ETNPPL: variants seen among roughly 807,000 people sequenced by gnomAD.
The protein encoded by ETNPPL is alanine--glyoxylate aminotransferase 2-like 1.
A neutral mutation model predicts 55.5 loss-of-function variants in ETNPPL; 30 were observed. The ratio of observed to expected loss-of-function variants is 0.54; its 90% CI spans 0.40 to 0.73. The LOEUF is 0.73. Among genes scored for constraint, ETNPPL ranks in the 30% least tolerant of loss-of-function variants. The pLI, the probability that ETNPPL is intolerant of heterozygous loss-of-function variation, is 0.00. For synonymous variants in ETNPPL, 202 were observed against 207.2 expected (o/e 0.98, Z 0.21); for missense variants, 528 against 607.9 (o/e 0.87, Z 1.38).
intron 2 of ETNPPL, 89 bp from the exon 3 acceptor site, chr4:108,759,997 A>C: frequency 7.6e-7 from 1 of 1,313,142 alleles, no homozygotes; most frequent in East Asian, 2.3e-5. Context: ...CAAGCAAGCA[A>C]ACAAACAAAC....
rs771021352 is a variant in ETNPPL, at chr4:108,760,146, A to T, written c.175+42T>A. The T allele has an allele frequency of 3.6e-6, 5 of 1,388,136 alleles. No homozygotes were observed. The African/African-American group carries it at 7.1e-5, about 20-fold the overall frequency. 86.0% of individuals were successfully genotyped at this position (1,388,136 alleles called of 1,614,324 possible). ...AAGTGTTCCAAGTCAGCTTTACTCC[A>T]TGAACATTTCCTCCAAAGCACTGCA... On this transcript the variant is annotated intron_variant, in intron 2 of 12. Transcript: ENST00000296486.
chr4:108,759,754 A>G lies in ETNPPL; in HGVS notation c.330T>C (p.Asn110=). Residue 110 remains asparagine, a synonymous_variant, in exon 3 of 13, where the codon AAT becomes AAC. Transcript: ENST00000296486. Reference sequence around the variant, plus strand: ...TGGGAAACCATGAAGCATACCCTGAATTTGTAAAATAACAAACAGAGAGTT... The same window carrying G: ...TGGGAAACCATGAAGCATACCCTGAGTTTGTAAAATAACAAACAGAGAGTT... ...PEKLSVCYFT[N]SGSEANDLAL... The G allele has an allele frequency of 6.2e-7, 1 of 1,614,082 alleles. No individual in the cohort carries two copies. Among genetic ancestry groups the G allele is most frequent in the South Asian group, 1.1e-5 (1 of 91,050 alleles).
At chr4:108,745,530 G>A (rs1015537531) in intron 11 of ETNPPL, among the ~76,000 whole-genome samples, 1 of 151,896 alleles carries the variant, frequency 6.6e-6, no homozygotes, top group Non-Finnish European at 1.5e-5. Context: ...GGAGGCGGAG[G>A]TTGCAGTGAG....
intron 4 of ETNPPL, 103 bp downstream of exon 4, chr4:108,756,315 C>A: frequency 1.3e-6 from 1 of 760,002 alleles, no homozygotes; most frequent in Non-Finnish European, 2.3e-6. Context: ...CTCCATATAT[C>A]TGTCCTCTTT....
In ETNPPL at chr4:108,746,826, C is replaced by T. The variant is rs1004732775; in HGVS notation, c.1108G>A (p.Asp370Asn). The T allele has an allele frequency of 2.2e-5, 36 of 1,613,606 alleles. No homozygotes were observed. The highest frequency in any genetic ancestry group is 2.7e-5 in the African/African-American group (2 of 74,802). The change falls in exon 10 of 13, where the codon GAT becomes AAT. Residue 370 changes from aspartate (D) to asparagine (N), a missense_variant. By Grantham distance (23) the Asp-to-Asn change is conservative (BLOSUM62 1). Transcript: ENST00000296486. The stretch of plus-strand genomic sequence containing the variant: ...CTTTTCAGATGGTCCTTCACTAAAT[C>T]AATTCCAATAAAAAGGCCAATGCCC... Reference protein sequence around the residue: ...IRGIGLFIGIDLVKDHLKRTP... With the variant: ...IRGIGLFIGINLVKDHLKRTP...
chr4:108,758,000 TTC>T (rs1162601585), intron 3 of ETNPPL, among the ~76,000 whole-genome samples: 36 of 138,540 alleles, frequency 2.6e-4, no homozygotes, highest in African/African-American at 9.3e-4. Flanking sequence ...TCATATATAT[TTC>T]TTTCTTTTTT....
intron 3 of ETNPPL, among the ~76,000 whole-genome samples, chr4:108,759,400 CAAAAAAAAAAAAA>C: frequency 1.4e-5 from 1 of 70,282 alleles, no homozygotes; most frequent in African/African-American, 4.7e-5. Context: ...GGCTCCATCT[CAAAAAAAAAAAAA>C]AAAAAAAAAA....
At position 108,759,742 on chromosome 4, in the gene ETNPPL, A is replaced by C; in HGVS notation, c.335+7T>G. ...AATGGGGAGGGGTGGGAAACCATGA[A>C]GCATACCCTGAATTTGTAAAATAAC... On this transcript the variant is annotated splice_region_variant and intron_variant, in intron 3 of 12. Transcript: ENST00000296486. The C allele has an allele frequency of 6.2e-7, 1 of 1,613,876 alleles. No homozygotes were observed. Among genetic ancestry groups the C allele is most frequent in the Non-Finnish European group, 8.5e-7 (1 of 1,179,874 alleles).
intron 6 of ETNPPL, 28 bp downstream of exon 6, chr4:108,752,867 A>C (rs1279806106): frequency 1.6e-6 from 2 of 1,219,758 alleles, no homozygotes; most frequent in Admixed American, 3.7e-5. Context: ...AAAGATGTTG[A>C]GATGTTTCCA....
chr4:108,749,307 C>T lies in ETNPPL; in HGVS notation c.858G>A (p.Val286=). 1 of 1,614,140 alleles carries T rather than the reference C, an allele frequency of 6.2e-7. No homozygotes were observed. The highest frequency in any genetic ancestry group is 8.5e-7 in the Non-Finnish European group (1 of 1,180,032). Residue 286 remains valine (V), a synonymous_variant, in exon 8 of 13, where the codon GTG becomes GTA. Transcript: ENST00000296486. ...TTTCTTTGGTTGTTACCACACATGC[C>T]ACCGGGTGGCCGTTGCCCATCGGTT... is the stretch of plus-strand genomic sequence containing the variant. ...MGKPMGNGHP[V]ACVVTTKEIA...
At chr4:108,743,882 A>G in intron 11 of ETNPPL, 26 bp from the exon 12 acceptor site, 1 of 1,489,576 alleles carries the variant, frequency 6.7e-7, no homozygotes, top group Non-Finnish European at 9.2e-7. Context: ...TATTATGGAG[A>G]AGACAAAATA....
chr4:108,751,279 T>G (rs796650667), intron 6 of ETNPPL, among the ~76,000 whole-genome samples: 8 of 152,292 alleles, frequency 5.3e-5, no homozygotes, highest in African/African-American at 1.4e-4. Flanking sequence ...AACTTCCATT[T>G]CTCCATCATT....
rs752338059 is a variant in ETNPPL at position 108,760,222 on chromosome 4, T to C, written c.141A>G (p.Glu47=). The C allele has an allele frequency of 1.2e-6, 2 of 1,611,314 alleles. No individual in the cohort carries two copies. The highest frequency in any genetic ancestry group is 2.2e-5 in the South Asian group (2 of 90,884). ...CATTGTTGATGCAGTCCAAGTACTG[T>C]TCACCGTTCTCATCAAACATGTACT... is the stretch of plus-strand genomic sequence containing the variant. ...QRQYMFDENG[E]QYLDCINNVA... The change falls in exon 2 of 13, where the codon GAA becomes GAG. Residue 47 remains glutamate (E), a synonymous_variant. Transcript: ENST00000296486.
intron 5 of ETNPPL, 36 bp from the exon 6 acceptor site, chr4:108,753,047 G>T: frequency 8.1e-7 from 1 of 1,231,434 alleles, no homozygotes; most frequent in Non-Finnish European, 1.2e-6. Context: ...CTTGTAATTT[G>T]CCTTTTCGAC....
chr4:108,748,980 T>C lies in ETNPPL; in HGVS notation c.927+258A>G, dbSNP rs78386435. 3.5e-4 allele frequency among the ~76,000 whole-genome samples: 53 copies of C among 152,266 alleles called. No homozygotes were observed. In the East Asian group the frequency reaches 5.2e-3, roughly 15 times the overall value. On this transcript the variant is annotated intron_variant, in intron 8 of 12. Coordinates refer to ENST00000296486, the MANE Select transcript of ETNPPL (RefSeq NM_031279.4). The stretch of plus-strand genomic sequence containing the variant: ...AAAATCTAGATGACGGGTTGATAGG[T>C]GCAGCAAACCACCATGGCACATGTA...
At chr4:108,744,552 GCTCT>G (rs1465139311) in intron 11 of ETNPPL, among the ~76,000 whole-genome samples, 2 of 152,078 alleles carry the variant, frequency 1.3e-5, no homozygotes, top group Admixed American at 1.3e-4. Context: ...GTGTGAGCAT[GCTCT>G]CTGAGTCCAA....
Position 108,751,155 on chromosome 4 carries a change from TAAAGA to T in ETNPPL, c.619-142_619-138del, listed in dbSNP as rs1728895502. On this transcript the variant is annotated intron_variant, in intron 6 of 12. Coordinates refer to ENST00000296486, the MANE Select transcript of ETNPPL (RefSeq NM_031279.4). ...GCAAGTGGCAAATTAGCCATTTGATTAAAGAAAAAGGAAAAGGTGTCTATGCAGGA... is the reference window on the plus strand; with the variant it reads ...GCAAGTGGCAAATTAGCCATTTGATTAAAAGGAAAAGGTGTCTATGCAGGA... 6.1e-6 allele frequency: 3 copies of T among 495,156 alleles called. No individual in the cohort carries two copies. In the South Asian group the frequency reaches 9.5e-5, roughly 16 times the overall value. The allele number at this position is 495,156 out of a possible 1,614,324, so 30.7% of individuals were successfully genotyped here.
rs377406530 is a variant in ETNPPL, at chr4:108,756,400, C to T, written c.410+18G>A. 5.6e-6 allele frequency: 9 copies of T among 1,597,510 alleles called. No homozygotes were observed. The African/African-American group carries it at 8.0e-5, about 14-fold the overall frequency. On this transcript the variant is annotated intron_variant, in intron 4 of 12. Coordinates refer to ENST00000296486, the MANE Select transcript of ETNPPL (RefSeq NM_031279.4). ...CTGAAGAAGCTTCTTGCTTAAAAAT[C>T]TTGTGTCCAAGACTTACTGGTCAAG...
intron 5 of ETNPPL, among the ~76,000 whole-genome samples, chr4:108,754,077 G>A (rs946252967): frequency 2.0e-5 from 3 of 150,116 alleles, no homozygotes; most frequent in Non-Finnish European, 3.0e-5. Context: ...AGGTTCAAGC[G>A]ATTCTCCTGT....
Sources: gnomAD v4.1 joint callset for allele counts (sites outside exome capture counted in the v4.1 genomes callset) on GRCh38, gnomAD v4.1.1 for gene constraint, MANE v1.5 for transcripts, NCBI Gene and HGNC (gene_info 2026-07-23, HGNC 2026-07-21) for gene names.